The following PRKAR1A variants were observed in gnomAD, a reference collection of about 807,000 sequenced individuals.
PRKAR1A encodes the protein cAMP-dependent protein kinase type I-alpha regulatory subunit.
PRKAR1A carries 3 observed loss-of-function variants against 52.0 expected under a neutral mutation model. The observed-to-expected ratio is 0.06, with a 90% CI of 0.03 to 0.15. The LOEUF is 0.15. PRKAR1A is among the 10% of genes least tolerant of loss of function. PRKAR1A has a pLI of 1.00. For synonymous variants in PRKAR1A, 188 were observed against 168.4 expected, an observed-to-expected ratio of 1.12 and a Z score of -0.90; for missense variants, 240 against 477.4, an observed-to-expected ratio of 0.50 and a Z score of 4.63.
the PRKAR1A span, among the ~76,000 whole-genome samples, chr17:68,476,111 T>C: frequency 6.6e-6 from 1 of 152,024 alleles, no homozygotes; most frequent in Non-Finnish European, 1.5e-5. Context: ...AGTGCCTAGC[T>C]CTGTCTACTA....
chr17:68,438,683 C>T, the PRKAR1A span, among the ~76,000 whole-genome samples: 1 of 152,212 alleles, frequency 6.6e-6, no homozygotes, highest in African/African-American at 2.4e-5. Flanking sequence ...TCACTGCAAC[C>T]TCCGCCTCTT....
At chr17:68,486,208 T>C in the PRKAR1A span, among the ~76,000 whole-genome samples, 1 of 152,114 alleles carries the variant, frequency 6.6e-6, no homozygotes, top group Non-Finnish European at 1.5e-5. Flanking sequence ...GAGGTTTTTT[T>C]TTTTAATGTC....
chr17:68,477,697 G>T, the PRKAR1A span, among the ~76,000 whole-genome samples: 3 of 147,026 alleles, frequency 2.0e-5, no homozygotes, highest in Non-Finnish European at 1.5e-5. Flanking sequence ...TTTTATTCTT[G>T]TTTTTTTTTT....
Position 68,531,693 on chromosome 17 carries a change from T to C in PRKAR1A, c.*1244T>C, listed in dbSNP as rs9925. On this transcript the variant is annotated 3_prime_UTR_variant, in exon 11 of 11. Transcript: ENST00000589228. Reference sequence around the variant, plus strand: ...CCTGCTTTCCTATCTAGCATTTATTTCTCTGGCAAACTTTTCTTTCTTTTC... The same window carrying C: ...CCTGCTTTCCTATCTAGCATTTATTCCTCTGGCAAACTTTTCTTTCTTTTC... The C allele has an allele frequency of 0.23, 240,224 of 1,064,416 alleles. 27,341 individuals are homozygous for C. Among genetic ancestry groups the C allele is most frequent in the South Asian group, 0.26 (5,780 of 21,936 alleles). The allele number at this position is 1,064,416 out of a possible 1,614,324, so 65.9% of individuals were successfully genotyped here.
At position 68,526,802 on chromosome 17, in the gene PRKAR1A, A is replaced by G. The variant is rs78030376; in HGVS notation, c.708+890A>G. ...GTGGGAAGAGGGAGAGGATCAGGAA[A>G]AATACCTGTGGTGTACTTTACTTAT... On this transcript the variant is annotated intron_variant, in intron 7 of 10. Coordinates refer to ENST00000589228, the MANE Select transcript of PRKAR1A (RefSeq NM_002734.5). Among the ~76,000 whole-genome samples, 1,085 of 152,262 alleles carry G rather than the reference A, an allele frequency of 7.1e-3. 17 individuals carry two copies. Among genetic ancestry groups the G allele is most frequent in the African/African-American group, 0.025 (1,046 of 41,552 alleles).
chr17:68,434,433 T>C, the PRKAR1A span: 2 of 942,022 alleles, frequency 2.1e-6, no homozygotes, highest in Non-Finnish European at 3.2e-6. Flanking sequence ...GGAGAGTAGT[T>C]ACACTTCCTC....
the PRKAR1A span, chr17:68,430,112 A>G: frequency 6.2e-7 from 1 of 1,614,130 alleles, no homozygotes; most frequent in South Asian, 1.1e-5. Context: ...TAGCAGCCAT[A>G]AACATCTTTC....
the PRKAR1A span, among the ~76,000 whole-genome samples, chr17:68,490,463 A>C: frequency 1.3e-5 from 2 of 152,192 alleles, no homozygotes; most frequent in South Asian, 4.1e-4. Context: ...TCCTATTCTG[A>C]TCTGGGTTAT....
the PRKAR1A span, chr17:68,420,447 G>A: frequency 4.9e-5 from 79 of 1,613,958 alleles, no homozygotes; most frequent in Middle Eastern, 1.6e-4. Flanking sequence ...ATTGCCTGCC[G>A]CTGTCAAGCC....
the PRKAR1A span, among the ~76,000 whole-genome samples, chr17:68,494,081 T>C: frequency 6.6e-6 from 1 of 152,252 alleles, no homozygotes; most frequent in African/African-American, 2.4e-5. Flanking sequence ...TTTTTCTATA[T>C]TGAAAATGTT....
chr17:68,519,679 C>G (rs1252247132), intron 2 of PRKAR1A, among the ~76,000 whole-genome samples: 2 of 150,810 alleles, frequency 1.3e-5, no homozygotes, highest in African/African-American at 4.9e-5. Context: ...AGAAATGTAC[C>G]AAAAACTCTT....
the PRKAR1A span, among the ~76,000 whole-genome samples, chr17:68,448,994 A>C: frequency 1.3e-5 from 2 of 152,198 alleles, no homozygotes; most frequent in African/African-American, 2.4e-5. Context: ...AGGTGGACTT[A>C]AGTGGATTTT....
intron 11 of PRKAR1A, among the ~76,000 whole-genome samples, chr17:68,546,335 G>A (rs2086565050): frequency 6.6e-6 from 1 of 151,902 alleles, no homozygotes; most frequent in Non-Finnish European, 1.5e-5. Flanking sequence ...ACCCCTCAAA[G>A]TCATCCATGG....
chr17:68,457,881 G>C, the PRKAR1A span, among the ~76,000 whole-genome samples: 4 of 152,228 alleles, frequency 2.6e-5, no homozygotes, highest in African/African-American at 9.6e-5. Flanking sequence ...GAGCCGCCCA[G>C]CTGGGAGGGA....
upstream of PRKAR1A, among the ~76,000 whole-genome samples, chr17:68,507,111 C>T (rs117593063): frequency 6.9e-4 from 105 of 152,284 alleles, 1 homozygote; most frequent in Admixed American, 1.2e-3. Flanking sequence ...CAGTACAGTG[C>T]CAACCTGGAT....
the PRKAR1A span, chr17:68,426,242 T>TGCG: frequency 1.5e-6 from 1 of 669,004 alleles, no homozygotes; most frequent in Non-Finnish European, 2.2e-6. Context: ...ACCTGGCGGG[T>TGCG]GGGGAGCGGG....
At chr17:68,415,435 C>T in the PRKAR1A span, among the ~76,000 whole-genome samples, 2 of 151,978 alleles carry the variant, frequency 1.3e-5, no homozygotes, top group Non-Finnish European at 2.9e-5. Flanking sequence ...ATTTTGTGGC[C>T]TATTGTATGG....
chr17:68,507,646 A>C (rs1211249261), upstream of PRKAR1A, among the ~76,000 whole-genome samples: 1 of 152,164 alleles, frequency 6.6e-6, no homozygotes, highest in East Asian at 1.9e-4. Flanking sequence ...ACTTAAATTA[A>C]ATTAAAAAAC....
chr17:68,433,972 G>C, the PRKAR1A span, among the ~76,000 whole-genome samples: 1 of 151,680 alleles, frequency 6.6e-6, no homozygotes, highest in Non-Finnish European at 1.5e-5. Context: ...TAGTAGAGAC[G>C]GTGTTTCACC....
Sources: gnomAD v4.1 joint callset for allele counts (sites outside exome capture counted in the v4.1 genomes callset) on GRCh38, gnomAD v4.1.1 for gene constraint, MANE v1.5 for transcripts, NCBI Gene and HGNC (gene_info 2026-07-23, HGNC 2026-07-21) for gene names.